Variants in SLC4A10 observed in about 807,000 individuals in gnomAD.
The protein encoded by SLC4A10 is solute carrier family 4 member 10.
SLC4A10 carries 42 observed loss-of-function variants against 137.7 expected under a neutral mutation model. The ratio of observed to expected loss-of-function variants is 0.30; its 90% confidence interval spans 0.24 to 0.39. SLC4A10 has a LOEUF of 0.39. SLC4A10 is among the 10% of genes least tolerant of loss of function. The pLI, the probability that SLC4A10 is intolerant of heterozygous loss-of-function variation, is 1.00. For synonymous variants in SLC4A10, 474 were observed against 464.1 expected, an observed-to-expected ratio of 1.02 and a Z score of -0.27; for missense variants, 925 against 1,355.0, an observed-to-expected ratio of 0.68 and a Z score of 4.98.
At chr2:161,950,969 ATGTATAATTTTTAT>A in intron 19 of SLC4A10, 121 bp downstream of exon 19, 1 of 844,512 alleles carries the variant, frequency 1.2e-6, no homozygotes, top group Non-Finnish European at 1.7e-6. Context: ...ATGTTTTTAG[ATGTATAATTTTTAT>A]TGTCTTACAA....
chr2:161,693,439 C>T (rs1449735898), intron 1 of SLC4A10, among the ~76,000 whole-genome samples: 1 of 151,982 alleles, frequency 6.6e-6, no homozygotes, highest in African/African-American at 2.4e-5. Context: ...TTGTCTACTT[C>T]CTAGAAACCT....
intron 5 of SLC4A10, among the ~76,000 whole-genome samples, chr2:161,862,175 T>G (rs2060470562): frequency 1.3e-5 from 2 of 152,212 alleles, no homozygotes; most frequent in African/African-American, 4.8e-5. Context: ...TTCTGAAATC[T>G]CACCTTCCAG....
chr2:161,947,798 A>C, intron 17 of SLC4A10, 71 bp downstream of exon 17: 1 of 1,511,632 alleles, frequency 6.6e-7, no homozygotes, highest in South Asian at 1.3e-5. Flanking sequence ...GATGTAATAA[A>C]AGGAGCCACT....
chr2:161,950,934 T>A, intron 19 of SLC4A10, 86 bp downstream of exon 19: 1 of 1,070,904 alleles, frequency 9.3e-7, no homozygotes, highest in South Asian at 1.8e-5. Context: ...TCTGTATTCA[T>A]TTGCACAGTG....
intron 24 of SLC4A10, among the ~76,000 whole-genome samples, chr2:161,974,837 C>T (rs2105974487): frequency 6.6e-6 from 1 of 152,226 alleles, no homozygotes; most frequent in Non-Finnish European, 1.5e-5. Flanking sequence ...CAAAAGAAAG[C>T]AAACTACTGA....
intron 4 of SLC4A10, among the ~76,000 whole-genome samples, chr2:161,840,150 TTAAAGA>T (rs1452471003): frequency 1.3e-5 from 2 of 152,162 alleles, no homozygotes; most frequent in African/African-American, 4.8e-5. Flanking sequence ...AGCTGCAGTC[TTAAAGA>T]TAAACAGTAA....
chr2:161,740,084 A>G (rs997669214), intron 1 of SLC4A10, among the ~76,000 whole-genome samples: 2 of 152,174 alleles, frequency 1.3e-5, no homozygotes, highest in African/African-American at 4.8e-5. Context: ...TTGATGTTCA[A>G]TTCTTTCATA....
intron 10 of SLC4A10, among the ~76,000 whole-genome samples, chr2:161,890,272 G>A (rs996253815): frequency 6.6e-6 from 1 of 152,100 alleles, no homozygotes. Context: ...CCGTTGATTT[G>A]GGGTGGAGAG....
chr2:161,637,102 CGT>C (rs2034549470), intron 1 of SLC4A10, among the ~76,000 whole-genome samples: 1 of 122,314 alleles, frequency 8.2e-6, no homozygotes, highest in Non-Finnish European at 1.8e-5. Context: ...TACGTATATA[CGT>C]ATTTATGTAT....
intron 1 of SLC4A10, among the ~76,000 whole-genome samples, chr2:161,729,877 G>A (rs1246640938): frequency 1.3e-5 from 2 of 152,142 alleles, no homozygotes; most frequent in Non-Finnish European, 2.9e-5. Flanking sequence ...GTGAGGCCAC[G>A]TCAGTTTGGT....
intron 19 of SLC4A10, among the ~76,000 whole-genome samples, chr2:161,952,908 G>A (rs1232596563): frequency 3.3e-5 from 5 of 152,000 alleles, no homozygotes; most frequent in Non-Finnish European, 7.4e-5. Flanking sequence ...CCTTCTCCCC[G>A]CCTGTTGCTT....
At chr2:161,924,904 G>A (rs539829081) in intron 15 of SLC4A10, among the ~76,000 whole-genome samples, 2 of 152,290 alleles carry the variant, frequency 1.3e-5, no homozygotes, top group South Asian at 4.1e-4. Flanking sequence ...ATCAGGTTTC[G>A]ATGGGGTTAT....
intron 2 of SLC4A10, among the ~76,000 whole-genome samples, chr2:161,796,546 T>G (rs1407918558): frequency 6.6e-6 from 1 of 152,174 alleles, no homozygotes; most frequent in Non-Finnish European, 1.5e-5. Flanking sequence ...CTGTGTCACA[T>G]TTGCTAATGC....
intron 1 of SLC4A10, among the ~76,000 whole-genome samples, chr2:161,721,049 G>T (rs1244438670): frequency 6.6e-6 from 1 of 152,078 alleles, no homozygotes; most frequent in East Asian, 1.9e-4. Context: ...GGCTGGTCTT[G>T]AACTCCTGTC....
chr2:161,910,136 T>C (rs1685483174), intron 15 of SLC4A10, among the ~76,000 whole-genome samples: 1 of 152,172 alleles, frequency 6.6e-6, no homozygotes, highest in African/African-American at 2.4e-5. Flanking sequence ...TTAGGATCTA[T>C]ATTTCAGATT....
intron 1 of SLC4A10, among the ~76,000 whole-genome samples, chr2:161,663,973 C>T (rs1014814316): frequency 6.6e-6 from 1 of 151,840 alleles, no homozygotes; most frequent in African/African-American, 2.4e-5. Flanking sequence ...CAAGAAATTT[C>T]CTGAGGCAAA....
chr2:161,969,156 G>A (rs1698091553), intron 23 of SLC4A10, among the ~76,000 whole-genome samples: 1 of 152,172 alleles, frequency 6.6e-6, no homozygotes, highest in Non-Finnish European at 1.5e-5. Context: ...ATAGATACAA[G>A]CTTTTACCTT....
chr2:161,909,589 G>T (rs935452963), intron 15 of SLC4A10, among the ~76,000 whole-genome samples: 1 of 152,284 alleles, frequency 6.6e-6, no homozygotes, highest in East Asian at 1.9e-4. Context: ...TCACTGCACT[G>T]GTTCTTCACT....
chr2:161,678,045 C>A (rs1559009657), intron 1 of SLC4A10, among the ~76,000 whole-genome samples: 1 of 152,142 alleles, frequency 6.6e-6, no homozygotes, highest in East Asian at 1.9e-4. Context: ...TTTTCACCCA[C>A]CTCATTTTCT....
Sources: allele counts gnomAD v4.1 joint callset (sites outside exome capture counted in the v4.1 genomes callset), GRCh38; gene constraint gnomAD v4.1.1; transcripts MANE v1.5; gene names NCBI Gene and HGNC (gene_info 2026-07-23, HGNC 2026-07-21).